Variants in SCHIP1 observed in about 807,000 individuals in gnomAD.
SCHIP1 encodes schwannomin-interacting protein 1.
SCHIP1 carries 8 observed loss-of-function variants against 29.7 expected under a neutral mutation model. The observed-to-expected ratio is 0.27, with a 90% CI of 0.16 to 0.49. SCHIP1 has a LOEUF of 0.49. SCHIP1 is among the 20% of genes least tolerant of loss of function. The pLI is 0.99. For missense variants in SCHIP1, 193 were observed against 294.6 expected, an observed-to-expected ratio of 0.66 and a Z score of 2.52; for synonymous variants, 76 against 94.9, an observed-to-expected ratio of 0.80 and a Z score of 1.16.
chr3:159,679,814 C>T, the SCHIP1 span, among the ~76,000 whole-genome samples: 9 of 152,046 alleles, frequency 5.9e-5, no homozygotes, highest in South Asian at 2.1e-4. Flanking sequence ...GCTTCGACGC[C>T]CCTCATCACT....
At chr3:159,403,634 G>A in the SCHIP1 span, among the ~76,000 whole-genome samples, 1 of 152,330 alleles carries the variant, frequency 6.6e-6, no homozygotes, top group Admixed American at 6.5e-5. Flanking sequence ...CATCCCAGCA[G>A]TCAGAATCTG....
chr3:159,432,831 A>G, the SCHIP1 span, among the ~76,000 whole-genome samples: 1 of 152,196 alleles, frequency 6.6e-6, no homozygotes, highest in African/African-American at 2.4e-5. Context: ...CGGATGCATC[A>G]GTGGCTCCAT....
chr3:159,571,915 G>C, the SCHIP1 span, among the ~76,000 whole-genome samples: 1 of 152,192 alleles, frequency 6.6e-6, no homozygotes, highest in Non-Finnish European at 1.5e-5. Flanking sequence ...TATTTGTATA[G>C]AGGTGTTTCT....
the SCHIP1 span, among the ~76,000 whole-genome samples, chr3:159,431,378 A>G: frequency 5.4e-4 from 81 of 151,298 alleles, no homozygotes; most frequent in Admixed American, 2.0e-3. Context: ...AGGTGAGGGG[A>G]AAAAAAAAGG....
At chr3:159,596,636 C>A in the SCHIP1 span, among the ~76,000 whole-genome samples, 12 of 152,162 alleles carry the variant, frequency 7.9e-5, no homozygotes, top group Non-Finnish European at 1.5e-4. Context: ...AGGATGAGTT[C>A]ATGTCCTTTG....
chr3:159,800,388 TGCC>T, the SCHIP1 span, among the ~76,000 whole-genome samples: 1 of 152,200 alleles, frequency 6.6e-6, no homozygotes, highest in Non-Finnish European at 1.5e-5. Context: ...TTTTTGGGGC[TGCC>T]CCCTCCCTCA....
the SCHIP1 span, among the ~76,000 whole-genome samples, chr3:159,712,961 C>T: frequency 2.0e-5 from 3 of 151,092 alleles, no homozygotes; most frequent in East Asian, 5.9e-4. Context: ...GAGTTTGAGA[C>T]CAGCCTCAAC....
the SCHIP1 span, among the ~76,000 whole-genome samples, chr3:159,636,043 TTATTA>T: frequency 6.6e-6 from 1 of 152,124 alleles, no homozygotes; most frequent in African/African-American, 2.4e-5. Context: ...TTGCAATATT[TTATTA>T]TTTTATTTTA....
chr3:159,276,917 C>T, the SCHIP1 span, among the ~76,000 whole-genome samples: 1 of 152,180 alleles, frequency 6.6e-6, no homozygotes, highest in African/African-American at 2.4e-5. Flanking sequence ...AGCCCACTTC[C>T]ATCTTGCCTA....
chr3:159,764,660 CGGA>C, the SCHIP1 span: 4 of 1,595,812 alleles, frequency 2.5e-6, no homozygotes, highest in Non-Finnish European at 3.4e-6. This position sits in a 1 kb window ranked among gnomAD's most constrained non-coding sequence, Gnocchi z 6.1. Context: ...GAGTGGGCGC[CGGA>C]GGAGGACGGG....
chr3:159,562,467 T>G, the SCHIP1 span, among the ~76,000 whole-genome samples: 6 of 152,216 alleles, frequency 3.9e-5, no homozygotes, highest in African/African-American at 1.4e-4. Flanking sequence ...TGGCTACCTA[T>G]CAGCTGAGTG....
the SCHIP1 span, among the ~76,000 whole-genome samples, chr3:159,822,179 G>A: frequency 6.6e-6 from 1 of 152,168 alleles, no homozygotes; most frequent in Non-Finnish European, 1.5e-5. Context: ...CAGGCACAGA[G>A]TAGCAAACAG....
the SCHIP1 span, among the ~76,000 whole-genome samples, chr3:159,522,602 G>A: frequency 5.9e-5 from 9 of 152,196 alleles, no homozygotes; most frequent in Admixed American, 2.0e-4. Flanking sequence ...CAGGCACAGT[G>A]GCTTACACCT....
the SCHIP1 span, among the ~76,000 whole-genome samples, chr3:159,637,870 GTAAA>G: frequency 1.5e-4 from 23 of 152,112 alleles, no homozygotes; most frequent in Admixed American, 1.3e-3. Flanking sequence ...CCCTGAGAGG[GTAAA>G]TAAAATACTA....
At chr3:159,534,007 A>G in the SCHIP1 span, among the ~76,000 whole-genome samples, 1 of 152,204 alleles carries the variant, frequency 6.6e-6, no homozygotes, top group African/African-American at 2.4e-5. Flanking sequence ...TTGTTATTGC[A>G]AATGGTTTGG....
the SCHIP1 span, among the ~76,000 whole-genome samples, chr3:159,715,329 G>A: frequency 9.2e-5 from 14 of 152,134 alleles, no homozygotes; most frequent in Middle Eastern, 3.2e-3. Flanking sequence ...TCTAAAAATC[G>A]GAGCGCCTCT....
At chr3:159,569,072 G>A in the SCHIP1 span, among the ~76,000 whole-genome samples, 1 of 151,994 alleles carries the variant, frequency 6.6e-6, no homozygotes, top group African/African-American at 2.4e-5. Context: ...CCAATGTATT[G>A]TTTTGCATTT....
At chr3:159,468,739 TATATAATATATAATATA>T in the SCHIP1 span, among the ~76,000 whole-genome samples, 1 of 132,574 alleles carries the variant, frequency 7.5e-6, no homozygotes, top group Admixed American at 7.6e-5. Context: ...TATAATATAA[TATATAATATATAATATA>T]ATATATATAT....
the SCHIP1 span, among the ~76,000 whole-genome samples, chr3:159,488,488 TA>T: frequency 6.6e-6 from 1 of 152,022 alleles, no homozygotes; most frequent in Non-Finnish European, 1.5e-5. Flanking sequence ...ATAATGTGTT[TA>T]AAAAAAGAAA....
Sources: allele counts gnomAD v4.1 joint callset (sites outside exome capture counted in the v4.1 genomes callset), GRCh38; gene constraint gnomAD v4.1.1; non-coding constraint Gnocchi (gnomAD v3.1); transcripts MANE v1.5; gene names NCBI Gene and HGNC (gene_info 2026-07-23, HGNC 2026-07-21).